NLRC5: variants seen among roughly 807,000 people sequenced by gnomAD.
NLRC5 encodes the protein NLR family CARD domain containing 5, also known as protein NLRC5.
In NLRC5, 114 loss-of-function variants were observed where a neutral mutation model predicts 206.9. That is an observed-to-expected ratio of 0.55 (90% confidence interval 0.47 to 0.64). The LOEUF is 0.64. Ranked by LOEUF, NLRC5 falls within the 30% of genes least tolerant of loss-of-function variation. The pLI is 0.00. For missense variants in NLRC5, 2,008 were observed against 2,305.5 expected, an observed-to-expected ratio of 0.87 and a Z score of 2.64; for synonymous variants, 952 against 962.8, an observed-to-expected ratio of 0.99 and a Z score of 0.21.
At chr16:57,023,462 G>A (rs2060895507) in intron 4 of NLRC5, among the ~76,000 whole-genome samples, 2 of 152,298 alleles carry the variant, frequency 1.3e-5, no homozygotes, top group South Asian at 2.1e-4. Flanking sequence ...GTCCTTCCCT[G>A]ATGGACAGAT....
intron 48 of NLRC5, 26 bp downstream of exon 48, chr16:57,081,636 A>C (rs753198724): frequency 9.4e-6 from 15 of 1,600,392 alleles, no homozygotes; most frequent in Non-Finnish European, 1.3e-5. Context: ...AGGGGCAGGG[A>C]TGGTGGGTGG....
intron 1 of NLRC5, among the ~76,000 whole-genome samples, chr16:57,005,246 G>A (rs2058760504): frequency 6.6e-6 from 1 of 152,074 alleles, no homozygotes; most frequent in African/African-American, 2.4e-5. Context: ...TTTGAATATC[G>A]TGAACCTTGT....
chr16:57,005,646 C>T (rs760110086), intron 1 of NLRC5, among the ~76,000 whole-genome samples: 6 of 151,908 alleles, frequency 3.9e-5, no homozygotes, highest in Non-Finnish European at 8.8e-5. Context: ...AGGCCAGGTG[C>T]AGTGGCTCAC....
Position 57,036,178 on chromosome 16 carries a change from G to C in NLRC5, c.2706G>C (p.Lys902Asn). 1 of 1,613,114 alleles carries C rather than the reference G, an allele frequency of 6.2e-7. No homozygotes were observed. The highest frequency in any genetic ancestry group is 8.5e-7 in the Non-Finnish European group (1 of 1,179,898). ...EAASQLHIAR[K>N]LDLSNNGLSV... is the part of the protein sequence containing the mutation. Reference sequence around the variant, plus strand: ...CATCCCAGCTGCACATCGCCAGGAAGCTGGAGTGAGTTGTCCACCCCACCG... The same window carrying C: ...CATCCCAGCTGCACATCGCCAGGAACCTGGAGTGAGTTGTCCACCCCACCG... The change falls in exon 14 of 49, where the codon AAG (lysine) becomes AAC (asparagine). Residue 902 changes from lysine to asparagine, a missense_variant. Lys to Asn is a moderately conservative substitution (Grantham distance 94). Transcript: ENST00000688547.
At chr16:57,011,559 C>CA (rs1274200069) in intron 1 of NLRC5, among the ~76,000 whole-genome samples, 1 of 151,712 alleles carries the variant, frequency 6.6e-6, no homozygotes, top group Non-Finnish European at 1.5e-5. Context: ...TATGTCTCTA[C>CA]AAAAAAATTA....
chr16:56,993,269 T>G (rs556898190), intron 1 of NLRC5, among the ~76,000 whole-genome samples: 1 of 151,570 alleles, frequency 6.6e-6, no homozygotes, highest in South Asian at 2.1e-4. Context: ...TAGTGCAATT[T>G]GGAAATCTTT....
Position 57,046,174 on chromosome 16 carries a change from C to T in NLRC5, c.3249-378C>T, listed in dbSNP as rs1388435453. On this transcript the variant is annotated intron_variant, in intron 21 of 48. Coordinates refer to ENST00000688547, the MANE Select transcript of NLRC5 (RefSeq NM_001384950.1). ...GGATAGGATCTCTGTTTCTGGGGAACCCCCGGGTTCTTGAGGCCCAAAGAA... is the reference window on the plus strand; with the variant it reads ...GGATAGGATCTCTGTTTCTGGGGAATCCCCGGGTTCTTGAGGCCCAAAGAA... Among the ~76,000 whole-genome samples, 4 of 152,192 alleles carry T rather than the reference C, an allele frequency of 2.6e-5. No homozygotes were observed. The South Asian group carries it at 8.3e-4, about 32-fold the overall frequency.
intron 2 of NLRC5, 57 bp from the exon 3 acceptor site, chr16:57,020,644 C>A: frequency 8.6e-7 from 1 of 1,167,364 alleles, no homozygotes; most frequent in Non-Finnish European, 1.2e-6. Flanking sequence ...TCCCTCAGCT[C>A]ATCTGCCCCC....
At chr16:57,054,656 C>A in intron 24 of NLRC5, 95 bp from the exon 25 acceptor site, 1 of 867,820 alleles carries the variant, frequency 1.2e-6, no homozygotes. Flanking sequence ...CCTTGCTGAG[C>A]TGCTAGCCCT....
intron 1 of NLRC5, chr16:57,013,529 G>A (rs2059716525): frequency 1.2e-6 from 1 of 849,546 alleles, no homozygotes; most frequent in African/African-American, 1.7e-5. Flanking sequence ...CATCATTACA[G>A]TACAATTAAC....
At position 57,026,597 on chromosome 16, in the gene NLRC5, A is replaced by G; in HGVS notation, c.1654A>G (p.Lys552Glu). 1 of 1,614,166 alleles carries G rather than the reference A, an allele frequency of 6.2e-7. No individual in the cohort carries two copies. The highest frequency in any genetic ancestry group is 8.5e-7 in the Non-Finnish European group (1 of 1,180,022). The change falls in exon 6 of 49, where the codon AAA becomes GAA. Residue 552 changes from lysine to glutamate, a missense_variant. Transcript: ENST00000688547. ...CCATTCCCGCTGGGTACAGCGGACCAAAGCTAGACTGGGCCTCTCAGACCA... is the reference window on the plus strand; with the variant it reads ...CCATTCCCGCTGGGTACAGCGGACCGAAGCTAGACTGGGCCTCTCAGACCA... Reference protein sequence around the residue: ...TLHSRWVQRTKARLGLSDHLP... With the variant: ...TLHSRWVQRTEARLGLSDHLP...
chr16:57,056,546 T>A (rs1166978198), intron 27 of NLRC5, among the ~76,000 whole-genome samples: 2 of 152,196 alleles, frequency 1.3e-5, no homozygotes, highest in East Asian at 3.8e-4. Flanking sequence ...GCCTCCCAGG[T>A]TGCTGAGATT....
intron 15 of NLRC5, 142 bp downstream of exon 15, chr16:57,037,426 A>T: frequency 1.4e-6 from 1 of 710,028 alleles, no homozygotes; most frequent in African/African-American, 1.7e-5. Flanking sequence ...TACAGCCGGC[A>T]CCCCTCTTCC....
chr16:56,997,036 A>AT (rs1213994753), intron 1 of NLRC5, among the ~76,000 whole-genome samples: 3 of 151,974 alleles, frequency 2.0e-5, no homozygotes, highest in African/African-American at 4.8e-5. Flanking sequence ...TGCCAGGCTA[A>AT]TTTTTTTGCA....
chr16:57,049,280 T>G (rs1031240059), intron 23 of NLRC5, among the ~76,000 whole-genome samples: 17 of 152,204 alleles, frequency 1.1e-4, no homozygotes, highest in Non-Finnish European at 1.5e-5. Context: ...TGTTTTGTTT[T>G]GTGTAGCACT....
intron 1 of NLRC5, among the ~76,000 whole-genome samples, chr16:56,999,231 A>G (rs2057980157): frequency 1.3e-5 from 2 of 152,176 alleles, no homozygotes; most frequent in Admixed American, 1.3e-4. Flanking sequence ...TAGGGGTTAG[A>G]GTTTCAACAT....
chr16:57,049,773 G>A lies in NLRC5; in HGVS notation c.3423-1765G>A, dbSNP rs540470590. ...ATAAATAAATAAATAAATAAATAAA[G>A]CCCACTGGCAGCACTGGGCGGTCTG... On this transcript the variant is annotated intron_variant, in intron 23 of 48. Transcript: ENST00000688547. 5.4e-5 allele frequency among the ~76,000 whole-genome samples: 8 copies of A among 148,960 alleles called. No homozygotes were observed. The South Asian group carries it at 1.7e-3, about 32-fold the overall frequency.
chr16:57,055,293 T>C (rs1194387841), intron 26 of NLRC5, 140 bp from the exon 27 acceptor site: 1 of 899,192 alleles, frequency 1.1e-6, no homozygotes, highest in African/African-American at 1.6e-5. Context: ...GAGCAGTGGA[T>C]TCTGGACACT....
Position 57,040,823 on chromosome 16 carries a change from G to A in NLRC5, c.2939+105G>A, listed in dbSNP as rs1360301292. 22 of 1,092,586 alleles carry A rather than the reference G, an allele frequency of 2.0e-5. No homozygotes were observed. In the East Asian group the frequency reaches 5.5e-4, roughly 27 times the overall value. The allele number at this position is 1,092,586 out of a possible 1,614,324, so 67.7% of individuals were successfully genotyped here. On this transcript the variant is annotated intron_variant, in intron 17 of 48. Coordinates refer to ENST00000688547, the MANE Select transcript of NLRC5 (RefSeq NM_001384950.1). ...CCCAGGCCCCACATGCTCCCTGAAGGACACCTGACCTGCTGTGTCCAGGGG... is the reference window on the plus strand; with the variant it reads ...CCCAGGCCCCACATGCTCCCTGAAGAACACCTGACCTGCTGTGTCCAGGGG...
Sources: allele counts gnomAD v4.1 joint callset (sites outside exome capture counted in the v4.1 genomes callset), GRCh38; gene constraint gnomAD v4.1.1; transcripts MANE v1.5; gene names NCBI Gene and HGNC (gene_info 2026-07-23, HGNC 2026-07-21).